Variants in PLCB1 observed in about 807,000 individuals in gnomAD.
PLCB1 encodes phospholipase C beta 1.
In PLCB1, 46 loss-of-function variants were observed where a neutral mutation model predicts 161.8. The observed-to-expected ratio is 0.28, with a 90% CI of 0.22 to 0.36. The LOEUF is 0.36. Ranked by LOEUF, PLCB1 falls within the 10% of genes least tolerant of loss-of-function variation. The pLI is 1.00. For missense variants in PLCB1, 1,016 were observed against 1,472.5 expected (o/e 0.69, Z 5.07); for synonymous variants, 517 against 503.7 (o/e 1.03, Z -0.35).
intron 18 of PLCB1, among the ~76,000 whole-genome samples, chr20:8,730,860 A>T (rs1980202816): frequency 6.6e-6 from 1 of 151,452 alleles, no homozygotes; most frequent in South Asian, 2.1e-4. Context: ...TTGTTTCTGG[A>T]TATTTATATT....
intron 3 of PLCB1, among the ~76,000 whole-genome samples, chr20:8,502,055 T>A (rs1398707990): frequency 6.6e-6 from 1 of 151,658 alleles, no homozygotes; most frequent in Non-Finnish European, 1.5e-5. Flanking sequence ...ATAGCTTCAT[T>A]TCATTTGTTA....
chr20:8,377,881 G>A (rs1987140482), intron 3 of PLCB1, among the ~76,000 whole-genome samples: 1 of 152,144 alleles, frequency 6.6e-6, no homozygotes, highest in Non-Finnish European at 1.5e-5. Flanking sequence ...CTGGGGTTCA[G>A]GGAAGATGTT....
At chr20:8,695,416 G>T (rs1160382474) in intron 10 of PLCB1, among the ~76,000 whole-genome samples, 1 of 152,148 alleles carries the variant, frequency 6.6e-6, no homozygotes, top group Admixed American at 6.6e-5. Flanking sequence ...AAAAAATGAT[G>T]GTAGGCCAAA....
At position 8,317,844 on chromosome 20, in the gene PLCB1, A is replaced by C. The variant is rs561876359; in HGVS notation, c.178-53538A>C. Among the ~76,000 whole-genome samples, 27 of 152,306 alleles carry C rather than the reference A, an allele frequency of 1.8e-4. No individual in the cohort carries two copies. In the South Asian group the frequency reaches 5.2e-3, roughly 29 times the overall value. The stretch of plus-strand genomic sequence containing the variant: ...GTTGACCTTGTAACCATAAAGCTTC[A>C]TAGTTTTAAAGTCAATTATTAAATA... On this transcript the variant is annotated intron_variant, in intron 2 of 31. Coordinates refer to ENST00000338037, the MANE Select transcript of PLCB1 (RefSeq NM_015192.4).
At chr20:8,589,072 A>G (rs1225080693) in intron 3 of PLCB1, among the ~76,000 whole-genome samples, 1 of 152,214 alleles carries the variant, frequency 6.6e-6, no homozygotes, top group Non-Finnish European at 1.5e-5. Flanking sequence ...TGTCCAGTAC[A>G]GGCTCCAAGA....
intron 31 of PLCB1, chr20:8,802,337 A>G: frequency 1.9e-6 from 1 of 537,732 alleles, no homozygotes; most frequent in East Asian, 3.2e-5. Context: ...TCATTTCCTC[A>G]TCCTTTCTGC....
intron 2 of PLCB1, among the ~76,000 whole-genome samples, chr20:8,163,778 C>T (rs1174922680): frequency 1.3e-5 from 2 of 152,170 alleles, no homozygotes; most frequent in South Asian, 2.1e-4. Flanking sequence ...CCACATTTCC[C>T]ACCAGGCTAG....
At position 8,683,970 on chromosome 20, in the gene PLCB1, A is replaced by G. The variant is rs1314713778; in HGVS notation, c.863-962A>G. 8.0e-5 allele frequency among the ~76,000 whole-genome samples: 12 copies of G among 150,342 alleles called. No individual in the cohort carries two copies. The East Asian group carries it at 2.2e-3, about 27-fold the overall frequency. On this transcript the variant is annotated intron_variant, in intron 9 of 31. Transcript: ENST00000338037. The stretch of plus-strand genomic sequence containing the variant: ...GCGATCTCAGCTCACTGCAAACTCC[A>G]CCTCCTGGGTTCAAACAATTCTCCT...
chr20:8,624,994 A>G (rs1988292721), intron 3 of PLCB1, among the ~76,000 whole-genome samples: 1 of 152,174 alleles, frequency 6.6e-6, no homozygotes, highest in Non-Finnish European at 1.5e-5. Flanking sequence ...TTGAGTCTAT[A>G]AGAAATACTC....
rs145558640 is a variant in PLCB1 at position 8,286,534 on chromosome 20, G to A, written c.178-84848G>A. 5.3e-5 allele frequency among the ~76,000 whole-genome samples: 8 copies of A among 152,206 alleles called. No homozygotes were observed. The East Asian group carries it at 1.5e-3, about 29-fold the overall frequency. On this transcript the variant is annotated intron_variant, in intron 2 of 31. Transcript: ENST00000338037. ...AGAAGTATTTGAACCAGAAGATAAT[G>A]GACTGTTGGCCAGTAGAGCAGATCT...
chr20:8,516,664 C>T (rs1418425325), intron 3 of PLCB1, among the ~76,000 whole-genome samples: 1 of 72,244 alleles, frequency 1.4e-5, no homozygotes, highest in Non-Finnish European at 2.8e-5. Context: ...AATATAACAT[C>T]ATATATATAT....
chr20:8,379,142 CT>C (rs1987186814), intron 3 of PLCB1, among the ~76,000 whole-genome samples: 1 of 152,048 alleles, frequency 6.6e-6, no homozygotes, highest in South Asian at 2.1e-4. Flanking sequence ...TGACATTCCC[CT>C]CCCTGTGTCC....
At chr20:8,834,790 G>C (rs1363673496) in intron 31 of PLCB1, among the ~76,000 whole-genome samples, 2 of 137,610 alleles carry the variant, frequency 1.5e-5, no homozygotes, top group East Asian at 4.5e-4. Context: ...ACTCCAGCCT[G>C]GGCGATAGAC....
At chr20:8,669,907 G>A (rs373128271) in intron 9 of PLCB1, among the ~76,000 whole-genome samples, 22 of 152,280 alleles carry the variant, frequency 1.4e-4, no homozygotes, top group East Asian at 1.4e-3. Context: ...CTCATACAAC[G>A]CCAATGTCCA....
chr20:8,342,951 A>G (rs1600329816), intron 2 of PLCB1, among the ~76,000 whole-genome samples: 1 of 152,156 alleles, frequency 6.6e-6, no homozygotes, highest in East Asian at 1.9e-4. Context: ...AATAAATCCC[A>G]TCCACATGGA....
chr20:8,590,628 T>C (rs67607767), intron 3 of PLCB1, among the ~76,000 whole-genome samples: 13,321 of 152,160 alleles, frequency 0.088, 652 homozygotes, highest in South Asian at 0.14. Flanking sequence ...CTGGAGGCCC[T>C]GGGGGAAAAT....
At chr20:8,681,086 G>GTGTGTGTGTATATATATATA (rs1394518085) in intron 9 of PLCB1, among the ~76,000 whole-genome samples, 12 of 73,834 alleles carry the variant, frequency 1.6e-4, no homozygotes, top group South Asian at 4.3e-4. Context: ...ATGTGTGTGT[G>GTGTGTGTGTATATATATATA]TATATATATA....
At chr20:8,776,003 A>G (rs1434765847) in intron 27 of PLCB1, among the ~76,000 whole-genome samples, 2 of 152,174 alleles carry the variant, frequency 1.3e-5, no homozygotes, top group African/African-American at 4.8e-5. Flanking sequence ...GATTGCCTTG[A>G]CAGACCTGAG....
intron 3 of PLCB1, among the ~76,000 whole-genome samples, chr20:8,561,411 A>G (rs1350077280): frequency 6.6e-6 from 1 of 151,948 alleles, no homozygotes; most frequent in Non-Finnish European, 1.5e-5. Flanking sequence ...GATAGTCGGG[A>G]TATGAGCAGT....
Sources: gnomAD v4.1 joint callset for allele counts (sites outside exome capture counted in the v4.1 genomes callset) on GRCh38, gnomAD v4.1.1 for gene constraint, MANE v1.5 for transcripts, NCBI Gene and HGNC (gene_info 2026-07-23, HGNC 2026-07-21) for gene names.